Variants in DNM3 observed in about 807,000 individuals in gnomAD.
DNM3 encodes dynamin-3.
A neutral mutation model predicts 101.6 loss-of-function variants in DNM3; 47 were observed. The observed-to-expected ratio is 0.46, with a 90% CI of 0.37 to 0.59. DNM3 has a LOEUF of 0.59. Among genes scored for constraint, DNM3 ranks in the 20% least tolerant of loss-of-function variants. DNM3 has a pLI of 0.00. For missense variants in DNM3, 849 were observed against 1,085.7 expected (o/e 0.78, Z 3.06); for synonymous variants, 385 against 387.9 (o/e 0.99, Z 0.09).
rs555014510 is a variant in DNM3, at chr1:172,119,353, A to G, written c.1546-11822A>G. ...CCTTAAAACCAGTGAAAAAAATTTT[A>G]CGTTTGACCTTACAGTGGCATTTGA... On this transcript the variant is annotated intron_variant, in intron 13 of 20. Coordinates refer to ENST00000627582, the MANE Select transcript of DNM3 (RefSeq NM_015569.5). Among the ~76,000 whole-genome samples, 3 of 152,190 alleles carry G rather than the reference A, an allele frequency of 2.0e-5. No homozygotes were observed. In the East Asian group the frequency reaches 5.8e-4, roughly 29 times the overall value.
chr1:172,016,655 G>T (rs764543754), intron 4 of DNM3, among the ~76,000 whole-genome samples: 1 of 152,158 alleles, frequency 6.6e-6, no homozygotes, highest in Non-Finnish European at 1.5e-5. Flanking sequence ...TTCTGGGAGA[G>T]ATTGTGGAAA....
intron 6 of DNM3, among the ~76,000 whole-genome samples, chr1:172,037,139 A>C (rs2049029240): frequency 6.6e-6 from 1 of 152,100 alleles, no homozygotes; most frequent in Non-Finnish European, 1.5e-5. Flanking sequence ...GTCAGGAAAC[A>C]ACAGGTGCTG....
At chr1:172,332,353 A>G (rs1293478530) in intron 17 of DNM3, among the ~76,000 whole-genome samples, 1 of 152,092 alleles carries the variant, frequency 6.6e-6, no homozygotes, top group Admixed American at 6.6e-5. Context: ...TCTGTCACTG[A>G]GGCTGGAGTG....
chr1:172,163,589 TTTG>T (rs1030207209), intron 14 of DNM3, among the ~76,000 whole-genome samples: 2 of 151,944 alleles, frequency 1.3e-5, no homozygotes, highest in African/African-American at 4.8e-5. Context: ...CGGAACTTAG[TTTG>T]TTGTATTACT....
In DNM3 at chr1:172,412,631, T is replaced by C. The variant is rs2071275678; in HGVS notation, c.*4790T>C. 1.0e-6 allele frequency: 1 copy of C among 985,858 alleles called. No homozygotes were observed. The highest frequency in any genetic ancestry group is 1.2e-6 in the Non-Finnish European group (1 of 829,928). 61.1% of individuals were successfully genotyped at this position (985,858 alleles called of 1,614,324 possible). A position where few individuals can be genotyped will look rare whatever the true frequency, so the allele number is the denominator to read the frequency against. ...ATTTTTGAAGAAAAATCTCAAAGCC[T>C]GTATCGTTCTTGAAGGTCACATGTA... On this transcript the variant is annotated 3_prime_UTR_variant, in exon 21 of 21. Transcript: ENST00000627582.
chr1:172,071,125 G>A (rs1346743081), intron 11 of DNM3, among the ~76,000 whole-genome samples: 1 of 84,850 alleles, frequency 1.2e-5, no homozygotes, highest in Non-Finnish European at 2.2e-5. Flanking sequence ...ATATATCTTA[G>A]TTCTTAATTA....
chr1:172,373,593 T>C (rs2068458126), intron 17 of DNM3, among the ~76,000 whole-genome samples: 1 of 152,142 alleles, frequency 6.6e-6, no homozygotes, highest in Admixed American at 6.6e-5. Flanking sequence ...TGTTGATCTT[T>C]AAGCAATCTT....
At chr1:172,131,763 C>T (rs1250256458) in intron 14 of DNM3, 1 of 371,896 alleles carries the variant, frequency 2.7e-6, no homozygotes, top group Non-Finnish European at 5.2e-6. Context: ...CGCTAGTCTT[C>T]AAGTGAGTCT....
chr1:172,087,632 T>C (rs1487081633), intron 12 of DNM3, among the ~76,000 whole-genome samples: 1 of 152,156 alleles, frequency 6.6e-6, no homozygotes, highest in African/African-American at 2.4e-5. Context: ...TCCATCCATC[T>C]TTACCAAGTT....
intron 4 of DNM3, among the ~76,000 whole-genome samples, chr1:172,003,160 A>T (rs1057319531): frequency 6.6e-6 from 1 of 151,936 alleles, no homozygotes; most frequent in African/African-American, 2.4e-5. Flanking sequence ...TAATATATGG[A>T]TGTTGCATTG....
chr1:172,056,578 G>C (rs1038613864), intron 10 of DNM3, among the ~76,000 whole-genome samples: 32 of 152,088 alleles, frequency 2.1e-4, no homozygotes, highest in Non-Finnish European at 3.2e-4. Context: ...CCCAAGCAGG[G>C]GCACACTGAC....
intron 10 of DNM3, among the ~76,000 whole-genome samples, chr1:172,053,557 T>C (rs111648631): frequency 0.015 from 2,281 of 152,254 alleles, 56 homozygotes; most frequent in African/African-American, 0.05. Flanking sequence ...AAAAAGGCGC[T>C]GTGTTTTTTA....
intron 2 of DNM3, among the ~76,000 whole-genome samples, chr1:171,933,763 G>A (rs2041210044): frequency 6.6e-6 from 1 of 152,184 alleles, no homozygotes; most frequent in Non-Finnish European, 1.5e-5. Context: ...GGGGGCCACT[G>A]ACTGTAAGTA....
At chr1:172,171,799 G>A (rs542838511) in intron 14 of DNM3, among the ~76,000 whole-genome samples, 1 of 151,808 alleles carries the variant, frequency 6.6e-6, no homozygotes, top group Admixed American at 6.6e-5. Flanking sequence ...GCTAATTTCT[G>A]TACTCACAAG....
intron 17 of DNM3, among the ~76,000 whole-genome samples, chr1:172,338,041 C>G (rs2066525266): frequency 6.6e-6 from 1 of 151,764 alleles, no homozygotes; most frequent in African/African-American, 2.4e-5. Flanking sequence ...CTCAGCCTCC[C>G]AAGTAGCTGG....
rs548759550 is a variant in DNM3, at chr1:171,961,320, G to A, written c.236-26336G>A. On this transcript the variant is annotated intron_variant, in intron 2 of 20. Coordinates refer to ENST00000627582, the MANE Select transcript of DNM3 (RefSeq NM_015569.5). ...AAAGACTTTATGGTGACAGTGACAA[G>A]AGCAGCCATGAGGTCAGCTAGAAAC... 2.6e-5 allele frequency among the ~76,000 whole-genome samples: 4 copies of A among 152,274 alleles called. No individual in the cohort carries two copies. The South Asian group carries it at 8.3e-4, about 32-fold the overall frequency.
At chr1:172,109,257 T>G (rs898109571) in intron 13 of DNM3, among the ~76,000 whole-genome samples, 1 of 152,256 alleles carries the variant, frequency 6.6e-6, no homozygotes, top group Non-Finnish European at 1.5e-5. Flanking sequence ...AACATCTCTT[T>G]CTTTTCCAGC....
At chr1:172,327,059 T>A (rs2065965642) in intron 17 of DNM3, among the ~76,000 whole-genome samples, 2 of 152,186 alleles carry the variant, frequency 1.3e-5, no homozygotes, top group South Asian at 4.1e-4. Context: ...AACAGAATTT[T>A]AAAATTGCTA....
At chr1:172,367,905 C>A (rs571569095) in intron 17 of DNM3, among the ~76,000 whole-genome samples, 2 of 151,744 alleles carry the variant, frequency 1.3e-5, no homozygotes, top group African/African-American at 4.8e-5. Context: ...GGGGTGGTTT[C>A]CCCCATGCTA....
Sources: gnomAD v4.1 joint callset for allele counts (sites outside exome capture counted in the v4.1 genomes callset) on GRCh38, gnomAD v4.1.1 for gene constraint, MANE v1.5 for transcripts, NCBI Gene and HGNC (gene_info 2026-07-23, HGNC 2026-07-21) for gene names.